LMNTD1: variants seen among roughly 807,000 people sequenced by gnomAD.
LMNTD1 encodes lamin tail domain-containing protein 1.
In LMNTD1, 35 loss-of-function variants were observed where a neutral mutation model predicts 50.9. The ratio of observed to expected loss-of-function variants is 0.69; its 90% CI spans 0.53 to 0.91. The LOEUF (loss-of-function observed/expected upper bound fraction) is 0.91. Ranked by LOEUF, LMNTD1 falls within the 40% of genes least tolerant of loss-of-function variation. The pLI is 0.00. For synonymous variants in LMNTD1, 153 were observed against 161.9 expected (o/e 0.94, Z 0.42); for missense variants, 470 against 475.5 (o/e 0.99, Z 0.11).
rs182987419 is a variant in LMNTD1 at position 25,519,070 on chromosome 12, A to C, written c.1017-103T>G. ...GGGAAGCATATTTCAAAACCAAGAG[A>C]ATATGACTTTTTAAACTTTGTGGGC... On this transcript the variant is annotated intron_variant, in intron 7 of 9. Coordinates refer to ENST00000458174, the MANE Select transcript of LMNTD1 (RefSeq NM_001145728.2). 4.6e-4 allele frequency: 507 copies of C among 1,092,232 alleles called. 6 individuals carry two copies. The East Asian group carries it at 8.2e-3, about 18-fold the overall frequency. The allele number at this position is 1,092,232 out of a possible 1,614,324, so 67.7% of individuals were successfully genotyped here.
intron 1 of LMNTD1, among the ~76,000 whole-genome samples, chr12:25,613,530 T>G (rs1946291562): frequency 6.6e-6 from 1 of 152,216 alleles, no homozygotes; most frequent in South Asian, 2.1e-4. Context: ...TCTATGATCA[T>G]GACTTACTTC....
intron 1 of LMNTD1, among the ~76,000 whole-genome samples, chr12:25,595,256 C>T (rs1002205310): frequency 1.3e-5 from 2 of 152,056 alleles, no homozygotes; most frequent in Non-Finnish European, 2.9e-5. Context: ...GAATATTTTA[C>T]CCAACAACCA....
chr12:25,494,258 T>A (rs546958140), intron 9 of LMNTD1, among the ~76,000 whole-genome samples: 2 of 152,216 alleles, frequency 1.3e-5, no homozygotes, highest in Non-Finnish European at 2.9e-5. Flanking sequence ...GATATTAAGG[T>A]AAAATTTGGT....
chr12:25,519,586 T>TAAAAAAAAAAAAAAAAAAAAAAAAAAAA (rs781742784), intron 7 of LMNTD1, among the ~76,000 whole-genome samples: 5 of 74,934 alleles, frequency 6.7e-5, no homozygotes, highest in Admixed American at 3.1e-4. Flanking sequence ...AGACTCTGTC[T>TAAAAAAAAAAAAAAAAAAAAAAAAAAAA]CAAAAAAAAA....
chr12:25,527,677 T>TAC (rs1312734491), intron 4 of LMNTD1, among the ~76,000 whole-genome samples: 34 of 19,552 alleles, frequency 1.7e-3, no homozygotes, highest in East Asian at 7.1e-3. Context: ...TATATATATA[T>TAC]ATATACACAC....
intron 1 of LMNTD1, among the ~76,000 whole-genome samples, chr12:25,576,263 C>A (rs560982040): frequency 3.9e-5 from 6 of 152,288 alleles, no homozygotes; most frequent in African/African-American, 1.4e-4. Flanking sequence ...GAGGAATCAC[C>A]ACACTGACGT....
intron 8 of LMNTD1, among the ~76,000 whole-genome samples, chr12:25,509,509 A>G (rs2091206605): frequency 6.6e-6 from 1 of 152,222 alleles, no homozygotes; most frequent in South Asian, 2.1e-4. Flanking sequence ...ACCTATTGGA[A>G]AAACAGAAAA....
chr12:25,632,298 C>G (rs1434522784), intron 1 of LMNTD1, among the ~76,000 whole-genome samples: 1 of 152,166 alleles, frequency 6.6e-6, no homozygotes, highest in Non-Finnish European at 1.5e-5. Flanking sequence ...CAAAGAACAC[C>G]TGGGAAAATT....
intron 9 of LMNTD1, among the ~76,000 whole-genome samples, chr12:25,477,117 A>G (rs1039881121): frequency 6.6e-6 from 1 of 152,242 alleles, no homozygotes; most frequent in African/African-American, 2.4e-5. Context: ...AATGTAGGCT[A>G]TATGAACGTT....
chr12:25,512,118 G>C (rs1018869150), intron 8 of LMNTD1, among the ~76,000 whole-genome samples: 3 of 152,214 alleles, frequency 2.0e-5, no homozygotes, highest in African/African-American at 7.2e-5. Context: ...TGAAATAAAA[G>C]AGTAGGAAAT....
chr12:25,502,227 TCCC>T (rs34604830), intron 9 of LMNTD1, among the ~76,000 whole-genome samples: 5 of 151,824 alleles, frequency 3.3e-5, no homozygotes, highest in African/African-American at 1.2e-4. Flanking sequence ...CATAAAAAAT[TCCC>T]CCCCTTTTTT....
intron 1 of LMNTD1, among the ~76,000 whole-genome samples, chr12:25,580,993 A>G (rs1945257840): frequency 6.6e-6 from 1 of 152,214 alleles, no homozygotes; most frequent in Non-Finnish European, 1.5e-5. Flanking sequence ...CATGAACAGT[A>G]AGCTTTAGCC....
At chr12:25,525,363 C>T (rs998304450) in intron 6 of LMNTD1, among the ~76,000 whole-genome samples, 1 of 152,046 alleles carries the variant, frequency 6.6e-6, no homozygotes, top group Non-Finnish European at 1.5e-5. Context: ...ATATTAGTTC[C>T]TTGGTGCAGA....
chr12:25,526,229 ATTG>A lies in LMNTD1; in HGVS notation c.679-14_679-12del, dbSNP rs1243352629. On this transcript the variant is annotated splice_polypyrimidine_tract_variant and intron_variant, in intron 5 of 9. Transcript: ENST00000458174. Reference sequence around the variant, plus strand: ...TGCTGCTGCCCACACCTGTAATAAAATTGTTAATGACAAATGCCACTGGAGTTG... The same window carrying A: ...TGCTGCTGCCCACACCTGTAATAAAATTAATGACAAATGCCACTGGAGTTG... 5.6e-6 allele frequency: 9 copies of A among 1,602,574 alleles called. No individual in the cohort carries two copies. Among genetic ancestry groups the A allele is most frequent in the African/African-American group, 2.7e-5 (2 of 74,196 alleles).
intron 4 of LMNTD1, among the ~76,000 whole-genome samples, chr12:25,539,344 T>C (rs1942874301): frequency 6.6e-6 from 1 of 152,058 alleles, no homozygotes; most frequent in Non-Finnish European, 1.5e-5. Context: ...CCTCAGGAAA[T>C]GTAAAAGAAC....
chr12:25,481,241 C>T (rs6487487), intron 9 of LMNTD1, among the ~76,000 whole-genome samples: 1 of 151,728 alleles, frequency 6.6e-6, no homozygotes, highest in African/African-American at 2.4e-5. Flanking sequence ...TCATCCTTCT[C>T]GGTTTATTTT....
At chr12:25,489,712 G>T (rs1277810175) in intron 9 of LMNTD1, among the ~76,000 whole-genome samples, 1 of 152,032 alleles carries the variant, frequency 6.6e-6, no homozygotes, top group African/African-American at 2.4e-5. Flanking sequence ...TAATGAAATT[G>T]CAAAAGAAAT....
At chr12:25,551,458 T>C (rs1156430019) in intron 2 of LMNTD1, among the ~76,000 whole-genome samples, 1 of 152,110 alleles carries the variant, frequency 6.6e-6, no homozygotes, top group Non-Finnish European at 1.5e-5. Flanking sequence ...GGTACAATCA[T>C]AGTTTACTGC....
chr12:25,549,411 C>T lies in LMNTD1; in HGVS notation c.225G>A (p.Gln75=). The change falls in exon 3 of 10, where the codon CAG becomes CAA. Residue 75 remains glutamine (Q), a synonymous_variant. Coordinates refer to ENST00000458174, the MANE Select transcript of LMNTD1 (RefSeq NM_001145728.2). ...MPLGYYLSSP[Q]ISRVTISTTG... Reference sequence around the variant, plus strand: ...TTGTTGATATAGTTACTCTACTAATCTGAGGACTAGACAGATAGTAACCAA... The same window carrying T: ...TTGTTGATATAGTTACTCTACTAATTTGAGGACTAGACAGATAGTAACCAA... 2 of 1,612,976 alleles carry T rather than the reference C, an allele frequency of 1.2e-6. No homozygotes were observed. The highest frequency in any genetic ancestry group is 1.7e-6 in the Non-Finnish European group (2 of 1,179,154).
Sources: allele counts gnomAD v4.1 joint callset (sites outside exome capture counted in the v4.1 genomes callset), GRCh38; gene constraint gnomAD v4.1.1; transcripts MANE v1.5; gene names NCBI Gene and HGNC (gene_info 2026-07-23, HGNC 2026-07-21).